JAZF1: variants seen among roughly 807,000 people sequenced by gnomAD.
The protein encoded by JAZF1 is JAZF zinc finger 1, also known as juxtaposed with another zinc finger protein 1.
A neutral mutation model predicts 26.4 loss-of-function variants in JAZF1; 8 were observed. The ratio of observed to expected loss-of-function variants is 0.30; its 90% CI spans 0.18 to 0.55. The LOEUF (loss-of-function observed/expected upper bound fraction) is 0.55. Ranked by LOEUF, JAZF1 falls within the 20% of genes least tolerant of loss-of-function variation. The pLI is 0.94. For missense variants in JAZF1, 199 were observed against 322.0 expected (o/e 0.62, Z 2.92); for synonymous variants, 126 against 122.3 (o/e 1.03, Z -0.20).
chr7:28,002,541 G>C (rs1782620820), intron 1 of JAZF1, among the ~76,000 whole-genome samples: 1 of 152,132 alleles, frequency 6.6e-6, no homozygotes. Context: ...TTTCACCCTA[G>C]GGTTGAAATG....
intron 1 of JAZF1, among the ~76,000 whole-genome samples, chr7:28,009,908 G>A (rs929333897): frequency 6.6e-6 from 1 of 152,188 alleles, no homozygotes; most frequent in African/African-American, 2.4e-5. Flanking sequence ...AATCAATAAT[G>A]TCATGTGTTA....
chr7:28,148,873 G>T (rs767853090), intron 1 of JAZF1, among the ~76,000 whole-genome samples: 36 of 152,338 alleles, frequency 2.4e-4, no homozygotes, highest in Non-Finnish European at 2.6e-4. Context: ...ATGCAACTCA[G>T]GGTCTGGAGG....
chr7:27,867,255 A>C (rs1243484797), intron 3 of JAZF1, among the ~76,000 whole-genome samples: 1 of 152,220 alleles, frequency 6.6e-6, no homozygotes, highest in Non-Finnish European at 1.5e-5. Flanking sequence ...AGAAATAATT[A>C]GGGTCTGCCA....
At chr7:27,844,259 T>G (rs1782977753) in intron 3 of JAZF1, 1 of 152,238 alleles carries the variant, frequency 6.6e-6, no homozygotes, top group Non-Finnish European at 1.5e-5. Flanking sequence ...AGAAATACCC[T>G]AAAACTAAGT....
intron 1 of JAZF1, among the ~76,000 whole-genome samples, chr7:27,997,006 C>T (rs1786030674): frequency 6.6e-6 from 1 of 152,152 alleles, no homozygotes; most frequent in African/African-American, 2.4e-5. Flanking sequence ...AAAAAACTAA[C>T]CAAGGATAGA....
intron 1 of JAZF1, among the ~76,000 whole-genome samples, chr7:28,095,782 C>A (rs1784373948): frequency 6.6e-6 from 1 of 152,178 alleles, no homozygotes. Flanking sequence ...AACAGAATAC[C>A]ACAGCCAGAG....
intron 1 of JAZF1, among the ~76,000 whole-genome samples, chr7:28,132,454 A>G (rs1281433609): frequency 6.6e-6 from 1 of 152,206 alleles, no homozygotes; most frequent in Non-Finnish European, 1.5e-5. Context: ...GCCTGCAAAG[A>G]TTTCAAAGGA....
At chr7:28,014,598 C>T (rs537708755) in intron 1 of JAZF1, among the ~76,000 whole-genome samples, 1 of 152,314 alleles carries the variant, frequency 6.6e-6, no homozygotes, top group South Asian at 2.1e-4. Context: ...CTCCTCCTTG[C>T]CTTCCACCAT....
intron 1 of JAZF1, among the ~76,000 whole-genome samples, chr7:28,111,950 G>C (rs562126689): frequency 2.8e-4 from 42 of 152,198 alleles, no homozygotes; most frequent in Non-Finnish European, 5.7e-4. Flanking sequence ...GCCTGACCTA[G>C]AATTGTGTAG....
chr7:27,926,539 A>G (rs1784602864), intron 2 of JAZF1, among the ~76,000 whole-genome samples: 2 of 152,372 alleles, frequency 1.3e-5, no homozygotes, highest in Admixed American at 1.3e-4. Context: ...CTAATTGGAA[A>G]AAGTCACCAT....
At chr7:28,021,000 G>A (rs1205457367) in intron 1 of JAZF1, among the ~76,000 whole-genome samples, 1 of 152,142 alleles carries the variant, frequency 6.6e-6, no homozygotes, top group African/African-American at 2.4e-5. Context: ...CAGTAATGGA[G>A]GTGCTCCAGA....
intron 2 of JAZF1, among the ~76,000 whole-genome samples, chr7:27,920,646 C>G (rs1251013325): frequency 6.6e-6 from 1 of 152,162 alleles, no homozygotes; most frequent in East Asian, 1.9e-4. Flanking sequence ...CTCTTCTTTC[C>G]TGGCCAGCAG....
intron 3 of JAZF1, among the ~76,000 whole-genome samples, chr7:27,852,421 A>ATG (rs1783169054): frequency 6.6e-6 from 1 of 152,140 alleles, no homozygotes; most frequent in African/African-American, 2.4e-5. Flanking sequence ...GGCATGAGCC[A>ATG]CTGCACCTGG....
chr7:28,150,249 T>C (rs998022244), intron 1 of JAZF1, among the ~76,000 whole-genome samples: 5 of 152,076 alleles, frequency 3.3e-5, no homozygotes, highest in Admixed American at 2.6e-4. Context: ...TTCAAGGAAG[T>C]AGAAACAGGG....
chr7:27,910,880 G>C (rs937731055), intron 2 of JAZF1, among the ~76,000 whole-genome samples: 1 of 152,156 alleles, frequency 6.6e-6, no homozygotes, highest in African/African-American at 2.4e-5. Context: ...AGTATCCACT[G>C]AAGCAATGGG....
intron 1 of JAZF1, among the ~76,000 whole-genome samples, chr7:28,061,770 C>T (rs184199371): frequency 3.9e-5 from 6 of 152,322 alleles, no homozygotes; most frequent in Non-Finnish European, 8.8e-5. Flanking sequence ...AAAAGACATA[C>T]ACCATGCATA....
rs1361580958 is a variant in JAZF1 at position 28,176,563 on chromosome 7, T to A, written c.115+3900A>T. On this transcript the variant is annotated intron_variant, in intron 1 of 4. Transcript: ENST00000283928. ...TATCACTAACCACCTCCCAACATAC[T>A]GTGTATCACATACCTCAATTGTTTA... Among the ~76,000 whole-genome samples the A allele has an allele frequency of 2.0e-5, 3 of 152,220 alleles. No homozygotes were observed. In the South Asian group the frequency reaches 6.2e-4, roughly 32 times the overall value.
intron 1 of JAZF1, among the ~76,000 whole-genome samples, chr7:27,994,273 A>C (rs1340687594): frequency 6.6e-6 from 1 of 152,198 alleles, no homozygotes; most frequent in Non-Finnish European, 1.5e-5. Context: ...ATTTACAAAA[A>C]ATCAAGAATG....
intron 1 of JAZF1, among the ~76,000 whole-genome samples, chr7:28,038,590 T>C (rs564911668): frequency 1.1e-3 from 163 of 152,316 alleles, no homozygotes; most frequent in African/African-American, 3.7e-3. Flanking sequence ...CATTCAGGTT[T>C]GAAACTCTTG....
Sources: allele counts gnomAD v4.1 joint callset (sites outside exome capture counted in the v4.1 genomes callset), GRCh38; gene constraint gnomAD v4.1.1; transcripts MANE v1.5; gene names NCBI Gene and HGNC (gene_info 2026-07-23, HGNC 2026-07-21).